Variants in RLIG1 observed in about 807,000 individuals in gnomAD.
RLIG1 encodes RNA 5'-phosphate and 3'-OH ligase 1, also known as RNA ligase 1.
the RLIG1 span, chr12:88,049,151 A>ATAGT: frequency 4.7e-6 from 6 of 1,271,704 alleles, no homozygotes; most frequent in South Asian, 4.1e-5. Flanking sequence ...AAGTTAATAA[A>ATAGT]TAGTTAAATG....
At chr12:88,035,561 G>A in the RLIG1 span, 1 of 1,366,752 alleles carries the variant, frequency 7.3e-7, no homozygotes, top group Non-Finnish European at 1.0e-6. Context: ...CCTGAGCCGT[G>A]CGGGTGACTG....
chr12:88,044,796 G>C, the RLIG1 span: 1 of 152,308 alleles, frequency 6.6e-6, no homozygotes, highest in African/African-American at 2.4e-5. Context: ...AGAGGAGAGG[G>C]CATGGGGTAT....
chr12:88,048,058 A>AGAT, the RLIG1 span, among the ~76,000 whole-genome samples: 2 of 152,086 alleles, frequency 1.3e-5, no homozygotes. Context: ...CTAATGGGGA[A>AGAT]GATAGACAAT....
At chr12:88,038,534 T>G in the RLIG1 span, among the ~76,000 whole-genome samples, 2 of 152,210 alleles carry the variant, frequency 1.3e-5, no homozygotes. Context: ...ATTTTTCTTT[T>G]GCCATCTTGA....
chr12:88,046,905 T>C, the RLIG1 span: 1 of 1,613,122 alleles, frequency 6.2e-7, no homozygotes, highest in South Asian at 1.1e-5. Context: ...TCTCGTGTCC[T>C]GGTTTGAAGA....
chr12:88,040,691 T>A, the RLIG1 span, among the ~76,000 whole-genome samples: 1 of 152,186 alleles, frequency 6.6e-6, no homozygotes, highest in East Asian at 1.9e-4. Context: ...GGGGCTTTAT[T>A]CCTCTTGGCA....
At chr12:88,048,443 A>G in the RLIG1 span, 2 of 1,215,086 alleles carry the variant, frequency 1.6e-6, no homozygotes, top group African/African-American at 3.1e-5. Context: ...AAATTAGTTT[A>G]TCATTATATT....
At chr12:88,036,318 G>A in the RLIG1 span, among the ~76,000 whole-genome samples, 1 of 152,170 alleles carries the variant, frequency 6.6e-6, no homozygotes, top group Non-Finnish European at 1.5e-5. Context: ...ATGCTAGTGA[G>A]TAACCTATAT....
At chr12:88,048,297 G>GTTA in the RLIG1 span, 1 of 1,601,850 alleles carries the variant, frequency 6.2e-7, no homozygotes, top group African/African-American at 1.3e-5. Context: ...TTCAAGACCA[G>GTTA]TTATTATCAA....
chr12:88,043,624 C>T, the RLIG1 span: 2 of 1,611,910 alleles, frequency 1.2e-6, no homozygotes, highest in Admixed American at 1.7e-5. Context: ...TTGAGGAGGA[C>T]TTCAAACCAG....
At chr12:88,044,164 C>T in the RLIG1 span, 7 of 167,074 alleles carry the variant, frequency 4.2e-5, no homozygotes, top group South Asian at 4.7e-4. Flanking sequence ...GTCTCAGCTA[C>T]TCGGGAGACT....
the RLIG1 span, chr12:88,044,061 T>A: frequency 8.1e-6 from 2 of 246,498 alleles, no homozygotes; most frequent in African/African-American, 4.7e-5. Flanking sequence ...TGCTTGAGCC[T>A]AGGAGTTTTA....
At chr12:88,047,353 G>C in the RLIG1 span, among the ~76,000 whole-genome samples, 5 of 152,192 alleles carry the variant, frequency 3.3e-5, no homozygotes, top group East Asian at 7.7e-4. Flanking sequence ...TATACAGAAT[G>C]AATTATCTTA....
At chr12:88,035,577 G>C in the RLIG1 span, 1,634 of 1,483,232 alleles carry the variant, frequency 1.1e-3, 1 homozygote, top group Admixed American at 1.3e-3. Flanking sequence ...GACTGCTTCA[G>C]GGCTTCTCCG....
chr12:88,038,078 G>A, the RLIG1 span, among the ~76,000 whole-genome samples: 1 of 152,114 alleles, frequency 6.6e-6, no homozygotes, highest in Non-Finnish European at 1.5e-5. Context: ...TTTTAACGGT[G>A]AAAATTGTTA....
the RLIG1 span, among the ~76,000 whole-genome samples, chr12:88,036,636 C>T: frequency 6.6e-6 from 1 of 152,182 alleles, no homozygotes; most frequent in Admixed American, 6.5e-5. Context: ...GCCAGTTTTC[C>T]ATTCACCTTG....
At chr12:88,050,106 A>C in the RLIG1 span, 39 of 312,368 alleles carry the variant, frequency 1.2e-4, no homozygotes, top group Middle Eastern at 9.2e-4. Flanking sequence ...ACTTAAGAAC[A>C]TACTAATGGC....
At chr12:88,046,699 C>G in the RLIG1 span, 5 of 1,043,818 alleles carry the variant, frequency 4.8e-6, no homozygotes, top group African/African-American at 6.4e-5. Context: ...ACCAGCCTTT[C>G]TACCTTTATT....
chr12:88,047,038 G>A, the RLIG1 span: 4 of 1,415,976 alleles, frequency 2.8e-6, no homozygotes, highest in African/African-American at 4.3e-5. Flanking sequence ...TAGAGTAGAA[G>A]TGACACTAAA....
Sources: allele counts gnomAD v4.1 joint callset (sites outside exome capture counted in the v4.1 genomes callset), GRCh38; gene constraint gnomAD v4.1.1; transcripts MANE v1.5; gene names NCBI Gene and HGNC (gene_info 2026-07-23, HGNC 2026-07-21).